MYH7B: variants seen among roughly 807,000 people sequenced by gnomAD.
MYH7B encodes myosin heavy chain 7B.
MYH7B carries 205 observed loss-of-function variants against 234.5 expected under a neutral mutation model. That is an observed-to-expected ratio of 0.87 (90% confidence interval 0.78 to 0.98). MYH7B has a LOEUF of 0.98. Ranked by LOEUF, MYH7B falls within the 50% of genes least tolerant of loss-of-function variation. MYH7B has a pLI of 0.00. For missense variants in MYH7B, 2,652 were observed against 2,633.4 expected (o/e 1.01, Z -0.15); for synonymous variants, 1,193 against 1,105.0 (o/e 1.08, Z -1.58).
chr20:34,997,933 T>TCC (rs2082294903), intron 32 of MYH7B, among the ~76,000 whole-genome samples: 1 of 152,100 alleles, frequency 6.6e-6, no homozygotes, highest in Admixed American at 6.5e-5. Flanking sequence ...GAACTCTGAC[T>TCC]TAATACCTGT....
intron 9 of MYH7B, 45 bp downstream of exon 9, chr20:34,981,105 T>G (rs991287682): frequency 4.0e-5 from 65 of 1,611,768 alleles, no homozygotes; most frequent in Non-Finnish European, 5.3e-5. Context: ...GCTGGCCATC[T>G]GGCAGAAAGA....
exon 13 of MYH7B, chr20:34,985,071 G>A: frequency 6.2e-7 from 1 of 1,614,146 alleles, no homozygotes; most frequent in Non-Finnish European, 8.5e-7. Flanking sequence ...CACAGGGCAA[G>A]TTCATCCGCA....
In MYH7B at chr20:34,987,896, TG is replaced by T. The variant is rs1316807359; in HGVS notation, c.1401del (p.Phe468LeufsTer138). 1.9e-6 allele frequency: 3 copies of T among 1,604,464 alleles called. No individual in the cohort carries two copies. The highest frequency in any genetic ancestry group is 3.4e-5 in the Admixed American group (2 of 59,500). On this transcript the variant is annotated frameshift_variant, in exon 18 of 45. Transcript: ENST00000262873. LOFTEE classifies it high-confidence loss of function. The stretch of plus-strand genomic sequence containing the variant: ...TCTTCATCGGGGTTCTGGACATCGC[TG>T]GGTTTGAGATCTTTGAGGTGAGGAC...
chr20:34,981,630 C>G (rs941813469), intron 9 of MYH7B: 1 of 152,622 alleles, frequency 6.6e-6, no homozygotes, highest in Non-Finnish European at 1.5e-5. Flanking sequence ...GTGGGTGGAT[C>G]ACTTGACGTC....
intron 9 of MYH7B, 133 bp downstream of exon 9, chr20:34,981,193 C>A: frequency 8.9e-7 from 1 of 1,127,498 alleles, no homozygotes; most frequent in Non-Finnish European, 1.3e-6. Context: ...AGCTAGTGTC[C>A]CAGCTGAAGC....
chr20:34,987,487 G>A (rs1159596508), intron 16 of MYH7B, 70 bp from the exon 17 acceptor site: 2 of 1,458,446 alleles, frequency 1.4e-6, no homozygotes, highest in African/African-American at 2.8e-5. Context: ...CTAGCCCCAG[G>A]CTGAGGCAGT....
intron 2 of MYH7B, among the ~76,000 whole-genome samples, chr20:34,972,606 C>A (rs1457956780): frequency 6.6e-6 from 1 of 152,084 alleles, no homozygotes; most frequent in Non-Finnish European, 1.5e-5. Flanking sequence ...TGTTGCCATA[C>A]CCCTCTTCCT....
rs556095508 is a variant in MYH7B at position 34,981,307 on chromosome 20, A to C, written c.527+247A>C. The C allele has an allele frequency of 3.5e-4, 159 of 460,522 alleles. No homozygotes were observed. In the East Asian group the frequency reaches 6.1e-3, roughly 18 times the overall value. 28.5% of individuals were successfully genotyped at this position (460,522 alleles called of 1,614,324 possible). ...CAAACGGAGTGACCACCAGCCCCAC[A>C]CCTCCTCTCCCCGGGGCCTGGAATC... is the stretch of plus-strand genomic sequence containing the variant. On this transcript the variant is annotated intron_variant, in intron 9 of 44. Transcript: ENST00000262873.
intron 27 of MYH7B, 29 bp downstream of exon 27, chr20:34,994,430 C>A (rs780201007): frequency 7.8e-6 from 12 of 1,541,562 alleles, no homozygotes; most frequent in Non-Finnish European, 9.6e-6. Context: ...TGTGACCGGG[C>A]GTCCCCAGCC....
intron 2 of MYH7B, among the ~76,000 whole-genome samples, chr20:34,967,708 A>T (rs369823141): frequency 1.9e-4 from 29 of 152,184 alleles, no homozygotes; most frequent in African/African-American, 6.8e-4. Flanking sequence ...CAGCAGCCTA[A>T]GACTCCTGAA....
At chr20:34,989,253 G>A (rs2082094137) in intron 19 of MYH7B, among the ~76,000 whole-genome samples, 1 of 152,204 alleles carries the variant, frequency 6.6e-6, no homozygotes, top group Admixed American at 6.5e-5. Flanking sequence ...CCTACAGCTG[G>A]GCGTTTAGGT....
chr20:34,979,326 C>A (rs529535821), intron 5 of MYH7B, 64 bp from the exon 6 acceptor site: 3 of 1,323,980 alleles, frequency 2.3e-6, no homozygotes, highest in Non-Finnish European at 2.1e-6. Context: ...GGCTTGGGAA[C>A]TCCAGCTAGA....
At position 34,985,609 on chromosome 20, in the gene MYH7B, G is replaced by A. The variant is rs915155518; in HGVS notation, c.805+480G>A. On this transcript the variant is annotated intron_variant, in intron 13 of 44. Coordinates refer to ENST00000262873, the Ensembl canonical transcript of MYH7B. ...ACCACCAGCTGCATAGACCCCAGGC[G>A]CCTAGGCCACACTCAAGGGGGCCAG... is the stretch of plus-strand genomic sequence containing the variant. Among the ~76,000 whole-genome samples, 5 of 152,050 alleles carry A rather than the reference G, an allele frequency of 3.3e-5. No individual in the cohort carries two copies. The East Asian group carries it at 5.8e-4, about 18-fold the overall frequency.
chr20:34,956,807 C>G (rs2081640791), intron 1 of MYH7B, among the ~76,000 whole-genome samples: 1 of 152,138 alleles, frequency 6.6e-6, no homozygotes, highest in Non-Finnish European at 1.5e-5. Flanking sequence ...GTAATCCCAG[C>G]ACTTTGAGAG....
Position 34,993,092 on chromosome 20 carries a change from C to G in MYH7B, c.2184-10C>G, listed in dbSNP as rs1269242017. The G allele has an allele frequency of 4.3e-6, 7 of 1,609,600 alleles. No homozygotes were observed. The highest frequency in any genetic ancestry group is 5.9e-6 in the Non-Finnish European group (7 of 1,176,834). On this transcript the variant is annotated splice_polypyrimidine_tract_variant and intron_variant, in intron 24 of 44. Coordinates refer to ENST00000262873, the Ensembl canonical transcript of MYH7B. ...GCCCTCTCCTGACCAGCTCTGCCCTCCTTTCCCAGGTACCGTATCCTGAAC... is the reference window on the plus strand; with the variant it reads ...GCCCTCTCCTGACCAGCTCTGCCCTGCTTTCCCAGGTACCGTATCCTGAAC...
chr20:34,997,779 A>C, intron 32 of MYH7B, 139 bp downstream of exon 32: 10 of 1,074,442 alleles, frequency 9.3e-6, no homozygotes, highest in Non-Finnish European at 1.3e-5. Flanking sequence ...CACAACCCTC[A>C]TTTCTCAGCC....
rs1028400748 is a variant in MYH7B, at chr20:34,991,181, A to G, written c.2183+60A>G. The stretch of plus-strand genomic sequence containing the variant: ...GTGGAGGCCTGAGGGGCTGGGCAGG[A>G]CACACATATCAGAGCCCAACAGACG... On this transcript the variant is annotated intron_variant, in intron 24 of 44. Coordinates refer to ENST00000262873, the Ensembl canonical transcript of MYH7B. The G allele has an allele frequency of 2.4e-6, 3 of 1,245,118 alleles. No individual in the cohort carries two copies. In the African/African-American group the frequency reaches 4.5e-5, roughly 19 times the overall value. 77.1% of individuals were successfully genotyped at this position (1,245,118 alleles called of 1,614,324 possible).
intron 24 of MYH7B, 109 bp from the exon 25 acceptor site, chr20:34,992,993 G>A (rs1162440538): frequency 6.5e-6 from 9 of 1,382,308 alleles, no homozygotes; most frequent in South Asian, 2.7e-5. Flanking sequence ...GCCCAGGAAC[G>A]AGTCCCCTGC....
chr20:34,996,974 A>C, intron 30 of MYH7B, 109 bp from the exon 31 acceptor site: 1 of 804,376 alleles, frequency 1.2e-6, no homozygotes, highest in Non-Finnish European at 1.7e-6. Context: ...CAGCAGGTGC[A>C]TGGGGTGAGG....
Sources: gnomAD v4.1 joint callset for allele counts (sites outside exome capture counted in the v4.1 genomes callset) on GRCh38, gnomAD v4.1.1 for gene constraint, MANE v1.5 for transcripts, NCBI Gene and HGNC (gene_info 2026-07-23, HGNC 2026-07-21) for gene names.